TSHZ2: variants seen among roughly 807,000 people sequenced by gnomAD.
The protein encoded by TSHZ2 is teashirt homolog 2.
In TSHZ2, 21 loss-of-function variants were observed where a neutral mutation model predicts 74.4. That is an observed-to-expected ratio of 0.28 (90% CI 0.20 to 0.41). TSHZ2 has a LOEUF of 0.41. Ranked by LOEUF, TSHZ2 falls within the 10% of genes least tolerant of loss-of-function variation. TSHZ2 has a pLI of 1.00. For synonymous variants in TSHZ2, 540 were observed against 515.3 expected, an observed-to-expected ratio of 1.05 and a Z score of -0.65; for missense variants, 1,244 against 1,293.5, an observed-to-expected ratio of 0.96 and a Z score of 0.59.
chr20:53,469,045 T>TTTTATATATATATATATATATA (rs1415631017), intron 2 of TSHZ2, among the ~76,000 whole-genome samples: 1 of 49,112 alleles, frequency 2.0e-5, no homozygotes, highest in Non-Finnish European at 4.2e-5. Context: ...AATCGATATT[T>TTTTATATATATATATATATATA]TATATATATA....
At chr20:53,121,985 T>G (rs1462999477) in intron 1 of TSHZ2, among the ~76,000 whole-genome samples, 2 of 152,098 alleles carry the variant, frequency 1.3e-5, no homozygotes, top group African/African-American at 4.8e-5. Context: ...AGTATTTGAA[T>G]GTTAAAAATA....
At chr20:53,072,231 GT>G (rs1246511478) in intron 1 of TSHZ2, among the ~76,000 whole-genome samples, 1 of 152,264 alleles carries the variant, frequency 6.6e-6, no homozygotes, top group East Asian at 1.9e-4. Flanking sequence ...AAATTCTTTT[GT>G]TTCTATGACA....
chr20:52,990,383 G>T (rs766633213), intron 1 of TSHZ2, among the ~76,000 whole-genome samples: 1 of 146,476 alleles, frequency 6.8e-6, no homozygotes, highest in Non-Finnish European at 1.5e-5. Flanking sequence ...GCTTAAGTAC[G>T]CTGAACGTAA....
intron 1 of TSHZ2, among the ~76,000 whole-genome samples, chr20:53,043,550 A>C (rs1470952420): frequency 1.3e-5 from 2 of 152,178 alleles, no homozygotes; most frequent in African/African-American, 4.8e-5. Context: ...TGCACTTAAA[A>C]AAAAAATCTC....
At chr20:53,291,472 C>G (rs1398477927) in intron 2 of TSHZ2, among the ~76,000 whole-genome samples, 1 of 101,724 alleles carries the variant, frequency 9.8e-6, no homozygotes, top group Non-Finnish European at 2.1e-5. Context: ...GACTCTGTCT[C>G]AAAAAAAAAA....
intron 1 of TSHZ2, among the ~76,000 whole-genome samples, chr20:53,047,300 G>C (rs1315349383): frequency 3.3e-5 from 5 of 152,108 alleles, no homozygotes; most frequent in Middle Eastern, 3.2e-3. Context: ...TCGGTAAGTG[G>C]TTGAGAGCTA....
At chr20:53,098,520 C>CAA (rs1236754828) in intron 1 of TSHZ2, among the ~76,000 whole-genome samples, 1 of 152,296 alleles carries the variant, frequency 6.6e-6, no homozygotes, top group African/African-American at 2.4e-5. Flanking sequence ...CCTAAATGAG[C>CAA]AATTGCATAC....
chr20:53,259,037 A>G (rs1200708694), intron 2 of TSHZ2, among the ~76,000 whole-genome samples: 2 of 152,170 alleles, frequency 1.3e-5, no homozygotes, highest in East Asian at 1.9e-4. Context: ...TGGTCACCTT[A>G]GAAAAAAATG....
intron 2 of TSHZ2, among the ~76,000 whole-genome samples, chr20:53,477,926 G>A (rs1387294925): frequency 6.7e-6 from 1 of 150,174 alleles, no homozygotes; most frequent in Admixed American, 6.6e-5. Context: ...CATCATCACT[G>A]GCCATCAGAG....
At chr20:53,339,704 G>A (rs546325303) in intron 2 of TSHZ2, among the ~76,000 whole-genome samples, 3 of 152,294 alleles carry the variant, frequency 2.0e-5, no homozygotes, top group East Asian at 3.9e-4. Flanking sequence ...AGGCCCATCT[G>A]CTGAGATGCT....
chr20:53,077,010 T>A (rs940621013), intron 1 of TSHZ2, among the ~76,000 whole-genome samples: 3 of 152,064 alleles, frequency 2.0e-5, no homozygotes, highest in African/African-American at 7.2e-5. Flanking sequence ...AGAGGTAAAT[T>A]CTGATGGAAA....
At chr20:53,138,076 C>T (rs1192298230) in intron 1 of TSHZ2, among the ~76,000 whole-genome samples, 1 of 152,194 alleles carries the variant, frequency 6.6e-6, no homozygotes, top group Non-Finnish European at 1.5e-5. Flanking sequence ...CTTAGCCCAG[C>T]ATTAACAATA....
chr20:53,051,141 C>A (rs1984444355), intron 1 of TSHZ2, among the ~76,000 whole-genome samples: 1 of 152,110 alleles, frequency 6.6e-6, no homozygotes, highest in Non-Finnish European at 1.5e-5. Context: ...GAGTTTGAAA[C>A]TAGCCTGGCC....
chr20:52,984,825 G>A (rs996883191), intron 1 of TSHZ2, among the ~76,000 whole-genome samples: 9 of 152,172 alleles, frequency 5.9e-5, no homozygotes, highest in East Asian at 1.9e-4. Flanking sequence ...AGTGGTCCGG[G>A]GAGAGACCAC....
At chr20:53,390,107 A>T (rs996225332) in intron 2 of TSHZ2, among the ~76,000 whole-genome samples, 2 of 152,246 alleles carry the variant, frequency 1.3e-5, no homozygotes, top group Admixed American at 6.5e-5. Context: ...TTAACCTTGC[A>T]AATGTGCGCA....
intron 2 of TSHZ2, among the ~76,000 whole-genome samples, chr20:53,364,145 C>T (rs899483082): frequency 6.6e-6 from 1 of 151,906 alleles, no homozygotes; most frequent in Non-Finnish European, 1.5e-5. Context: ...GCATTAAGGT[C>T]GAGGGTTCGA....
At chr20:53,329,618 C>T (rs189938558) in intron 2 of TSHZ2, among the ~76,000 whole-genome samples, 559 of 150,692 alleles carry the variant, frequency 3.7e-3, no homozygotes, top group Middle Eastern at 0.021. Context: ...TAAACATGGG[C>T]CTTGCGTCTA....
intron 1 of TSHZ2, among the ~76,000 whole-genome samples, chr20:53,061,932 A>G (rs901862296): frequency 2.6e-5 from 4 of 152,326 alleles, no homozygotes; most frequent in African/African-American, 4.8e-5. Flanking sequence ...CATTTTCCCA[A>G]TTATAGATTG....
chr20:53,366,334 C>A (rs1219972314), intron 2 of TSHZ2, among the ~76,000 whole-genome samples: 1 of 152,200 alleles, frequency 6.6e-6, no homozygotes, highest in African/African-American at 2.4e-5. Flanking sequence ...TATTGTCATT[C>A]TGCCTGTCTG....
Sources: gnomAD v4.1 joint callset for allele counts (sites outside exome capture counted in the v4.1 genomes callset) on GRCh38, gnomAD v4.1.1 for gene constraint, MANE v1.5 for transcripts, NCBI Gene and HGNC (gene_info 2026-07-23, HGNC 2026-07-21) for gene names.